Variants in GLCE observed in about 807,000 individuals in gnomAD.
GLCE encodes the protein D-glucuronyl C5-epimerase.
A neutral mutation model predicts 47.9 loss-of-function variants in GLCE; 19 were observed. That is an observed-to-expected ratio of 0.40 (90% confidence interval 0.28 to 0.58). GLCE has a LOEUF of 0.58. Ranked by LOEUF, GLCE falls within the 20% of genes least tolerant of loss-of-function variation. The pLI, the probability that GLCE is intolerant of heterozygous loss-of-function variation, is 0.48. For synonymous variants in GLCE, 245 were observed against 263.4 expected (o/e 0.93, Z 0.68); for missense variants, 556 against 743.3 (o/e 0.75, Z 2.93).
intron 1 of GLCE, among the ~76,000 whole-genome samples, chr15:69,198,701 C>T (rs765314022): frequency 2.6e-5 from 4 of 152,098 alleles, no homozygotes; most frequent in Non-Finnish European, 5.9e-5. Context: ...AAGTGACTTC[C>T]CATCACTGTT....
chr15:69,204,086 T>C (rs1209005024), intron 1 of GLCE, among the ~76,000 whole-genome samples: 1 of 152,076 alleles, frequency 6.6e-6, no homozygotes, highest in Non-Finnish European at 1.5e-5. Context: ...CATGCATGTA[T>C]AGTATAGTAA....
At chr15:69,248,747 C>T (rs547363916) in intron 2 of GLCE, among the ~76,000 whole-genome samples, 12 of 152,126 alleles carry the variant, frequency 7.9e-5, no homozygotes, top group East Asian at 1.9e-4. Context: ...ACAACAGGTG[C>T]GCACCACCAC....
intron 1 of GLCE, among the ~76,000 whole-genome samples, chr15:69,202,423 T>A (rs771164807): frequency 6.6e-6 from 1 of 152,178 alleles, no homozygotes; most frequent in Non-Finnish European, 1.5e-5. Context: ...TGGTCACTGC[T>A]CTCAGAGCTT....
chr15:69,183,105 G>T (rs186356685), intron 1 of GLCE, among the ~76,000 whole-genome samples: 33 of 152,254 alleles, frequency 2.2e-4, no homozygotes, highest in African/African-American at 7.7e-4. Flanking sequence ...AGGGTTGAGG[G>T]AAGGATCAGT....
intron 1 of GLCE, among the ~76,000 whole-genome samples, chr15:69,167,929 A>G (rs148779075): frequency 0.012 from 1,746 of 151,480 alleles, 32 homozygotes; most frequent in African/African-American, 0.039. Flanking sequence ...ATGTTCTTTC[A>G]GATATCCAAA....
chr15:69,217,979 C>A (rs1364982025), intron 2 of GLCE, among the ~76,000 whole-genome samples: 1 of 151,328 alleles, frequency 6.6e-6, no homozygotes, highest in Non-Finnish European at 1.5e-5. Flanking sequence ...CATGGTGAAA[C>A]CCTGTCTCTA....
chr15:69,256,008 G>T lies in GLCE; in HGVS notation c.202G>T (p.Val68Leu), dbSNP rs184777253. The T allele has an allele frequency of 1.2e-5, 20 of 1,613,918 alleles. No individual in the cohort carries two copies. Among genetic ancestry groups the T allele is most frequent in the Non-Finnish European group, 3.4e-6 (4 of 1,179,990 alleles). ...TGAGAGTAACAACTATATGAACCAC[G>T]TGGCCAAACAACAGTCTGAGGAAGC... ...ASESNNYMNHVAKQQSEEAFP... is the reference protein window; with the variant it reads ...ASESNNYMNHLAKQQSEEAFP... The change falls in exon 3 of 5, where the codon GTG (valine) becomes TTG (leucine). Residue 68 changes from valine (V) to leucine (L), a missense_variant. Transcript: ENST00000261858.
At chr15:69,252,898 T>C (rs767069588) in intron 2 of GLCE, among the ~76,000 whole-genome samples, 11 of 152,222 alleles carry the variant, frequency 7.2e-5, no homozygotes, top group Admixed American at 1.3e-4. Flanking sequence ...ATAGTAATAA[T>C]GCAGATGATG....
At chr15:69,263,531 G>A (rs2053043069) in intron 4 of GLCE, among the ~76,000 whole-genome samples, 1 of 151,492 alleles carries the variant, frequency 6.6e-6, no homozygotes, top group African/African-American at 2.4e-5. Context: ...TATTTTTGTT[G>A]TTTTATTTGT....
intron 1 of GLCE, among the ~76,000 whole-genome samples, chr15:69,190,882 GT>G (rs1437957089): frequency 1.3e-5 from 2 of 152,024 alleles, no homozygotes; most frequent in Non-Finnish European, 2.9e-5. Flanking sequence ...GGATTGAGAA[GT>G]TTTTAATGTT....
chr15:69,180,833 T>A (rs920925569), intron 1 of GLCE, among the ~76,000 whole-genome samples: 1 of 152,140 alleles, frequency 6.6e-6, no homozygotes, highest in African/African-American at 2.4e-5. Context: ...ATTGGATGAG[T>A]TGGAACAGAA....
intron 1 of GLCE, among the ~76,000 whole-genome samples, chr15:69,209,006 A>C (rs377763755): frequency 1.8e-4 from 27 of 152,012 alleles, no homozygotes; most frequent in African/African-American, 6.3e-4. Flanking sequence ...ATTTTTATTC[A>C]TCTGTAGTAA....
intron 2 of GLCE, among the ~76,000 whole-genome samples, chr15:69,248,382 G>T (rs771446850): frequency 5.3e-5 from 8 of 152,082 alleles, no homozygotes; most frequent in South Asian, 2.1e-4. Flanking sequence ...ATCACAGTCC[G>T]TATTCTGTTA....
At chr15:69,207,477 G>A (rs2052168679) in intron 1 of GLCE, among the ~76,000 whole-genome samples, 1 of 151,870 alleles carries the variant, frequency 6.6e-6, no homozygotes, top group Non-Finnish European at 1.5e-5. Context: ...ATTTTCCATT[G>A]TGTCATCTGA....
intron 3 of GLCE, chr15:69,260,663 T>C (rs1240752593): frequency 6.2e-6 from 1 of 161,508 alleles, no homozygotes; most frequent in Non-Finnish European, 1.4e-5. Context: ...GTAACTTGAC[T>C]GTTAAGTATA....
intron 1 of GLCE, among the ~76,000 whole-genome samples, chr15:69,193,049 G>A (rs946470799): frequency 2.6e-5 from 4 of 151,926 alleles, no homozygotes; most frequent in Non-Finnish European, 4.4e-5. Context: ...ATCTCTTTCC[G>A]TGTTGATCTC....
At position 69,256,537 on chromosome 15, in the gene GLCE, C is replaced by T. The variant is rs552118825; in HGVS notation, c.586+145C>T. On this transcript the variant is annotated intron_variant, in intron 3 of 4. Coordinates refer to ENST00000261858, the MANE Select transcript of GLCE (RefSeq NM_015554.3). ...ATTTAGCAGGGAGGAACAGGTTAAG[C>T]CTGAACCTAGGGCAACTTTCTAGAT... is the stretch of plus-strand genomic sequence containing the variant. 6.1e-6 allele frequency: 4 copies of T among 659,370 alleles called. No individual in the cohort carries two copies. In the East Asian group the frequency reaches 8.1e-5, roughly 13 times the overall value. The allele number at this position is 659,370 out of a possible 1,614,324, so 40.8% of individuals were successfully genotyped here. A position where few individuals can be genotyped will look rare whatever the true frequency, so the allele number is the denominator to read the frequency against.
intron 4 of GLCE, chr15:69,266,779 A>G (rs566848099): frequency 3.7e-5 from 32 of 857,310 alleles, no homozygotes; most frequent in Non-Finnish European, 4.5e-5. Flanking sequence ...TCACAGTCTG[A>G]ACCTGAGTCC....
chr15:69,255,447 T>A (rs1410126594), intron 2 of GLCE, among the ~76,000 whole-genome samples: 2 of 152,088 alleles, frequency 1.3e-5, no homozygotes, highest in Admixed American at 1.3e-4. Flanking sequence ...CCAAAACCCT[T>A]CTGGTCCCAA....
Sources: gnomAD v4.1 joint callset for allele counts (sites outside exome capture counted in the v4.1 genomes callset) on GRCh38, gnomAD v4.1.1 for gene constraint, MANE v1.5 for transcripts, NCBI Gene and HGNC (gene_info 2026-07-23, HGNC 2026-07-21) for gene names.